SLCO1A2: variants seen among roughly 807,000 people sequenced by gnomAD.
The protein encoded by SLCO1A2 is OATP-1.
A neutral mutation model predicts 69.0 loss-of-function variants in SLCO1A2; 67 were observed. The observed-to-expected ratio is 0.97, with a 90% CI of 0.80 to 1.19. The LOEUF is 1.19. SLCO1A2 is among the 50% of genes most tolerant of loss of function. The pLI, the probability that SLCO1A2 is intolerant of heterozygous loss-of-function variation, is 0.00. For missense variants in SLCO1A2, 787 were observed against 793.7 expected (o/e 0.99, Z 0.10); for synonymous variants, 260 against 265.9 (o/e 0.98, Z 0.22).
At chr12:21,319,253 AC>A in intron 2 of SLCO1A2, 1 of 1,006,708 alleles carries the variant, frequency 9.9e-7, no homozygotes, top group Non-Finnish European at 1.4e-6. Context: ...TATCTAAAGT[AC>A]AAAAGAATTC....
chr12:21,411,462 G>T (rs559250321), intron 1 of SLCO1A2, among the ~76,000 whole-genome samples: 1 of 152,178 alleles, frequency 6.6e-6, no homozygotes, highest in African/African-American at 2.4e-5. Flanking sequence ...ATTACACTGT[G>T]TCAATTTATC....
chr12:21,406,860 G>A (rs1393623949), intron 1 of SLCO1A2, among the ~76,000 whole-genome samples: 1 of 152,092 alleles, frequency 6.6e-6, no homozygotes, highest in Non-Finnish European at 1.5e-5. Context: ...TTCTTTTGTT[G>A]AAATATGTAT....
At chr12:21,349,653 C>G (rs1343705775) in intron 2 of SLCO1A2, among the ~76,000 whole-genome samples, 3 of 152,176 alleles carry the variant, frequency 2.0e-5, no homozygotes, top group Non-Finnish European at 4.4e-5. Flanking sequence ...CTAACTACCT[C>G]TCAAACTTCA....
At chr12:21,289,247 T>C (rs993912070) in intron 12 of SLCO1A2, among the ~76,000 whole-genome samples, 2 of 148,366 alleles carry the variant, frequency 1.3e-5, no homozygotes, top group African/African-American at 5.0e-5. Context: ...AGAAATATAT[T>C]TGGTCTTTGT....
intron 12 of SLCO1A2, among the ~76,000 whole-genome samples, chr12:21,285,306 A>C (rs1341178415): frequency 6.6e-6 from 1 of 152,204 alleles, no homozygotes; most frequent in Non-Finnish European, 1.5e-5. Flanking sequence ...AGACTAAACA[A>C]GGAAGAAGTT....
intron 4 of SLCO1A2, among the ~76,000 whole-genome samples, chr12:21,312,005 AAGAAGAGGAGGAG>A: frequency 6.7e-6 from 1 of 149,736 alleles, no homozygotes; most frequent in African/African-American, 2.5e-5. Flanking sequence ...GGAGGAGGAG[AAGAAGAGGAGGAG>A]GGAGGAGGAG....
chr12:21,400,192 C>T (rs1941640516), upstream of SLCO1A2, among the ~76,000 whole-genome samples: 1 of 152,018 alleles, frequency 6.6e-6, no homozygotes, highest in Admixed American at 6.5e-5. Flanking sequence ...AAAAAACAAA[C>T]AACCCCATCA....
intron 2 of SLCO1A2, among the ~76,000 whole-genome samples, chr12:21,344,606 C>A (rs1953193667): frequency 6.6e-6 from 1 of 151,964 alleles, no homozygotes; most frequent in South Asian, 2.1e-4. Flanking sequence ...TATATGTAGT[C>A]TGGGAGACGT....
At chr12:21,397,152 G>A (rs1941498308), upstream of SLCO1A2, among the ~76,000 whole-genome samples, 1 of 151,982 alleles carries the variant, frequency 6.6e-6, no homozygotes. Flanking sequence ...GACACACATA[G>A]GCTCAAAATA....
intron 13 of SLCO1A2, chr12:21,274,880 T>C: frequency 2.8e-6 from 3 of 1,063,228 alleles, no homozygotes; most frequent in Non-Finnish European, 3.4e-6. Flanking sequence ...TATATGTACA[T>C]TTTATTTGGG....
intron 1 of SLCO1A2, among the ~76,000 whole-genome samples, chr12:21,405,439 C>T (rs1486389855): frequency 3.3e-5 from 5 of 151,782 alleles, no homozygotes; most frequent in Non-Finnish European, 7.4e-5. Flanking sequence ...CATATGGAAC[C>T]AAAAAGACAA....
chr12:21,280,163 T>C (rs1441287775), intron 12 of SLCO1A2, among the ~76,000 whole-genome samples: 1 of 150,904 alleles, frequency 6.6e-6, no homozygotes, highest in Non-Finnish European at 1.5e-5. Flanking sequence ...TCACCTTCAC[T>C]GAAAGGAAGA....
upstream of SLCO1A2, among the ~76,000 whole-genome samples, chr12:21,336,771 C>T (rs3764041): frequency 0.2 from 30,766 of 151,918 alleles, 3,254 homozygotes; most frequent in East Asian, 0.35. Context: ...CTTCTCGAGG[C>T]TGTGCTAGTG....
chr12:21,278,611 T>C (rs1045705996), intron 12 of SLCO1A2, among the ~76,000 whole-genome samples: 2 of 152,160 alleles, frequency 1.3e-5, no homozygotes, highest in African/African-American at 4.8e-5. Context: ...GAGAATTCTT[T>C]TGGATCTTAT....
At chr12:21,342,884 A>G (rs1033009437) in intron 2 of SLCO1A2, among the ~76,000 whole-genome samples, 2 of 152,086 alleles carry the variant, frequency 1.3e-5, no homozygotes, top group African/African-American at 2.4e-5. Flanking sequence ...CTAGCTTGAT[A>G]GTACCAGTAC....
chr12:21,390,693 G>A (rs950162979), intron 1 of SLCO1A2, among the ~76,000 whole-genome samples: 5 of 152,130 alleles, frequency 3.3e-5, no homozygotes, highest in Non-Finnish European at 7.4e-5. Context: ...TGATTGCCAA[G>A]GGGCCATCTT....
At chr12:21,345,435 G>C (rs1242905206) in intron 2 of SLCO1A2, among the ~76,000 whole-genome samples, 3 of 151,948 alleles carry the variant, frequency 2.0e-5, no homozygotes, top group Non-Finnish European at 4.4e-5. Flanking sequence ...GGCATGCAGG[G>C]TTACATCTTT....
At chr12:21,400,469 C>T (rs1443523534) in intron 1 of SLCO1A2, among the ~76,000 whole-genome samples, 7 of 151,200 alleles carry the variant, frequency 4.6e-5, no homozygotes, top group East Asian at 2.0e-4. Flanking sequence ...GTCAGTGTGG[C>T]GATTCCTCAG....
intron 1 of SLCO1A2, among the ~76,000 whole-genome samples, chr12:21,414,309 A>G (rs1445945235): frequency 6.6e-6 from 1 of 151,316 alleles, no homozygotes; most frequent in Admixed American, 6.6e-5. Flanking sequence ...TTCTTTTCCA[A>G]TGTAAGCTCT....
Sources: allele counts gnomAD v4.1 joint callset (sites outside exome capture counted in the v4.1 genomes callset), GRCh38; gene constraint gnomAD v4.1.1; transcripts MANE v1.5; gene names NCBI Gene and HGNC (gene_info 2026-07-23, HGNC 2026-07-21).